Variants in USP25 observed in about 807,000 individuals in gnomAD.
USP25 encodes ubiquitin specific peptidase 25.
USP25 carries 85 observed loss-of-function variants against 158.5 expected under a neutral mutation model. The ratio of observed to expected loss-of-function variants is 0.54; its 90% CI spans 0.45 to 0.64. The LOEUF is 0.64. Ranked by LOEUF, USP25 falls within the 30% of genes least tolerant of loss-of-function variation. The probability of loss-of-function intolerance (pLI) is 0.00; values close to 1 mark genes in which losing one functional copy is unlikely to be tolerated. For synonymous variants in USP25, 464 were observed against 460.4 expected, an observed-to-expected ratio of 1.01 and a Z score of -0.10; for missense variants, 1,242 against 1,327.3, an observed-to-expected ratio of 0.94 and a Z score of 1.00.
At chr21:15,841,088 C>T (rs989704014) in intron 17 of USP25, among the ~76,000 whole-genome samples, 1 of 152,134 alleles carries the variant, frequency 6.6e-6, no homozygotes, top group African/African-American at 2.4e-5. Flanking sequence ...CTTTTAACTT[C>T]TCTCCTTCCT....
chr21:15,846,420 C>A (rs2038620659), intron 18 of USP25, among the ~76,000 whole-genome samples: 1 of 151,548 alleles, frequency 6.6e-6, no homozygotes, highest in Non-Finnish European at 1.5e-5. Flanking sequence ...TCTTGACCTC[C>A]CAAACTGCTG....
At chr21:15,776,695 A>T (rs1322754131) in intron 3 of USP25, among the ~76,000 whole-genome samples, 1 of 152,002 alleles carries the variant, frequency 6.6e-6, no homozygotes, top group Non-Finnish European at 1.5e-5. Flanking sequence ...TAAAAAGAAA[A>T]TTAGCCAAGT....
intron 25 of USP25, 105 bp from the exon 26 acceptor site, chr21:15,878,198 G>T: frequency 7.0e-7 from 1 of 1,423,268 alleles, no homozygotes; most frequent in Non-Finnish European, 9.4e-7. Context: ...CCCCAAAATG[G>T]CAATTATCTT....
At chr21:15,761,863 C>T (rs1436691432) in intron 1 of USP25, among the ~76,000 whole-genome samples, 2 of 152,176 alleles carry the variant, frequency 1.3e-5, no homozygotes, top group Non-Finnish European at 2.9e-5. Context: ...CACTCCTGCT[C>T]TAAAAACTTG....
intron 1 of USP25, among the ~76,000 whole-genome samples, chr21:15,745,473 C>CTTTTTTTTTTTTTTT (rs11284817): frequency 5.3e-5 from 6 of 112,988 alleles, no homozygotes; most frequent in African/African-American, 1.4e-4. Flanking sequence ...TTTTTCTTTT[C>CTTTTTTTTTTTTTTT]TTTTTTTTTT....
At chr21:15,831,717 A>G in intron 16 of USP25, 88 bp downstream of exon 16, 1 of 1,070,122 alleles carries the variant, frequency 9.3e-7, no homozygotes, top group Non-Finnish European at 1.4e-6. Context: ...TAATTCACTC[A>G]GACGATGAAG....
intron 20 of USP25, among the ~76,000 whole-genome samples, chr21:15,863,511 T>G (rs1259283623): frequency 1.3e-5 from 2 of 152,160 alleles, no homozygotes; most frequent in African/African-American, 4.8e-5. Context: ...TCTTTCAGAT[T>G]TGAGTATTGT....
chr21:15,835,321 C>T (rs1207343795), intron 17 of USP25, among the ~76,000 whole-genome samples: 1 of 152,290 alleles, frequency 6.6e-6, no homozygotes, highest in Non-Finnish European at 1.5e-5. Context: ...TCTCATCTCT[C>T]CAAATTTTCA....
intron 1 of USP25, among the ~76,000 whole-genome samples, chr21:15,732,620 C>T (rs2031037054): frequency 6.6e-6 from 1 of 152,136 alleles, no homozygotes; most frequent in South Asian, 2.1e-4. Flanking sequence ...TTCTTCTCAC[C>T]TTAAAAAACT....
intron 3 of USP25, among the ~76,000 whole-genome samples, chr21:15,768,694 G>T (rs186923062): frequency 6.6e-6 from 1 of 152,150 alleles, no homozygotes; most frequent in African/African-American, 2.4e-5. Flanking sequence ...GTTTTCAAGG[G>T]ATTGTTGTAG....
In USP25 at chr21:15,740,479, T is replaced by C. The variant is rs1265305552; in HGVS notation, c.45+10041T>C. Reference sequence around the variant, plus strand: ...AGAGGAGCTGTCTCCTCCCTCAGGCTTTTCTGGCCAACATCTCTATGGAAA... The same window carrying C: ...AGAGGAGCTGTCTCCTCCCTCAGGCCTTTCTGGCCAACATCTCTATGGAAA... On this transcript the variant is annotated intron_variant, in intron 1 of 25. Coordinates refer to ENST00000400183, the MANE Select transcript of USP25 (RefSeq NM_001283041.3). Among the ~76,000 whole-genome samples, 4 of 152,038 alleles carry C rather than the reference T, an allele frequency of 2.6e-5. No individual in the cohort carries two copies. The East Asian group carries it at 7.7e-4, about 29-fold the overall frequency.
chr21:15,831,063 A>G (rs1419466070), intron 15 of USP25, among the ~76,000 whole-genome samples: 2 of 152,188 alleles, frequency 1.3e-5, no homozygotes, highest in Non-Finnish European at 2.9e-5. Flanking sequence ...CTGAAGATGT[A>G]GACACATTTG....
At chr21:15,867,620 T>C (rs1326891083) in intron 22 of USP25, among the ~76,000 whole-genome samples, 1 of 152,100 alleles carries the variant, frequency 6.6e-6, no homozygotes, top group East Asian at 1.9e-4. Context: ...TACCTTGAAA[T>C]TCAAATAAAA....
At chr21:15,814,456 G>T (rs1173566321) in intron 9 of USP25, among the ~76,000 whole-genome samples, 1 of 152,160 alleles carries the variant, frequency 6.6e-6, no homozygotes, top group Admixed American at 6.5e-5. Flanking sequence ...GAAGAAGATA[G>T]GAAAATGTGG....
rs748732727 is a variant in USP25 at position 15,730,976 on chromosome 21, G to GTTTTTT, written c.45+558_45+563dup. 4.1e-3 allele frequency among the ~76,000 whole-genome samples: 222 copies of GTTTTTT among 53,636 alleles called. 24 individuals carry two copies. The highest frequency in any genetic ancestry group is 0.01 in the African/African-American group (147 of 14,564). The allele number at this position is 53,636 out of a possible 152,430, so 35.2% of individuals were successfully genotyped here. On this transcript the variant is annotated intron_variant, in intron 1 of 25. Transcript: ENST00000400183. ...TTTCCCTTTCTTCTTCTTCTTTTCTGTTTTTTTTTTTTTTTTTTTTTTTTT... is the reference window on the plus strand; with the variant it reads ...TTTCCCTTTCTTCTTCTTCTTTTCTGTTTTTTTTTTTTTTTTTTTTTTTTTTTTTTT...
At chr21:15,787,380 A>G (rs1334581862) in intron 4 of USP25, among the ~76,000 whole-genome samples, 3 of 152,046 alleles carry the variant, frequency 2.0e-5, no homozygotes, top group African/African-American at 4.8e-5. Flanking sequence ...AACCAAAACA[A>G]TGATATTGGT....
intron 12 of USP25, among the ~76,000 whole-genome samples, chr21:15,825,797 A>G (rs1212923892): frequency 1.3e-5 from 2 of 152,188 alleles, no homozygotes; most frequent in East Asian, 3.8e-4. Context: ...TTTTATTCTT[A>G]AAAAGTATGA....
intron 20 of USP25, among the ~76,000 whole-genome samples, chr21:15,859,360 G>GT (rs1001370412): frequency 5.3e-5 from 8 of 151,396 alleles, no homozygotes; most frequent in South Asian, 2.1e-4. Context: ...GCCTGGCTAA[G>GT]TTTTTTTTGT....
intron 21 of USP25, 117 bp from the exon 22 acceptor site, chr21:15,866,149 C>A: frequency 2.0e-6 from 1 of 490,236 alleles, no homozygotes; most frequent in Non-Finnish European, 3.2e-6. Flanking sequence ...TGTTTCTATA[C>A]AAAAGTACTG....
Sources: allele counts gnomAD v4.1 joint callset (sites outside exome capture counted in the v4.1 genomes callset), GRCh38; gene constraint gnomAD v4.1.1; transcripts MANE v1.5; gene names NCBI Gene and HGNC (gene_info 2026-07-23, HGNC 2026-07-21).